Variants in CEP112 observed in about 807,000 individuals in gnomAD.
The protein encoded by CEP112 is centrosomal protein of 112 kDa.
CEP112 carries 127 observed loss-of-function variants against 153.0 expected under a neutral mutation model. That is an observed-to-expected ratio of 0.83 (90% CI 0.72 to 0.96). CEP112 has a LOEUF of 0.96. Among genes scored for constraint, CEP112 ranks in the 40% least tolerant of loss-of-function variants. The pLI is 0.00. For missense variants in CEP112, 1,089 were observed against 1,101.2 expected (o/e 0.99, Z 0.16); for synonymous variants, 358 against 374.4 (o/e 0.96, Z 0.51).
At chr17:66,028,629 T>G (rs2065327282) in intron 14 of CEP112, among the ~76,000 whole-genome samples, 1 of 151,880 alleles carries the variant, frequency 6.6e-6, no homozygotes, top group South Asian at 2.1e-4. Flanking sequence ...TATGAAAATG[T>G]AATGCTGACA....
intron 23 of CEP112, among the ~76,000 whole-genome samples, chr17:65,715,231 G>A (rs1188679137): frequency 6.6e-6 from 1 of 152,128 alleles, no homozygotes; most frequent in Non-Finnish European, 1.5e-5. Context: ...GATCATCCAC[G>A]CAGAGGTGTC....
intron 23 of CEP112, among the ~76,000 whole-genome samples, chr17:65,695,089 T>C (rs768921311): frequency 7.2e-5 from 11 of 152,232 alleles, no homozygotes; most frequent in African/African-American, 2.7e-4. Context: ...TGTGGGAAGC[T>C]ACACCGCTCC....
intron 20 of CEP112, among the ~76,000 whole-genome samples, chr17:65,876,023 C>T (rs2058814018): frequency 6.6e-6 from 1 of 152,128 alleles, no homozygotes; most frequent in Non-Finnish European, 1.5e-5. Context: ...TCTGCTTTTA[C>T]TGCCTCCTAA....
intron 21 of CEP112, among the ~76,000 whole-genome samples, chr17:65,817,050 G>A (rs964138724): frequency 6.6e-6 from 1 of 151,822 alleles, no homozygotes; most frequent in Non-Finnish European, 1.5e-5. Flanking sequence ...ATCTGTGAAA[G>A]CAAAAACTAA....
chr17:65,754,413 A>C (rs1214266934), intron 21 of CEP112, among the ~76,000 whole-genome samples: 1 of 152,168 alleles, frequency 6.6e-6, no homozygotes, highest in Non-Finnish European at 1.5e-5. Context: ...GTTCGAGACC[A>C]GCCTGGCCAA....
intron 23 of CEP112, among the ~76,000 whole-genome samples, chr17:65,708,352 T>A (rs2049015111): frequency 1.3e-5 from 2 of 152,224 alleles, no homozygotes; most frequent in Non-Finnish European, 2.9e-5. Context: ...ATATCAATTT[T>A]AAAAATTTAT....
chr17:66,087,003 A>G (rs549431165), intron 8 of CEP112, among the ~76,000 whole-genome samples: 26 of 152,304 alleles, frequency 1.7e-4, no homozygotes, highest in African/African-American at 6.0e-4. Context: ...CTTCATCAAA[A>G]TAAGTCAGAA....
chr17:66,030,008 C>G lies in CEP112; in HGVS notation c.1234G>C (p.Glu412Gln). ...QTQSTNHMIK[E>Q]LEARVQQLTG... ...AGCTGCTGGACACGGGCCTCCAGTT[C>G]TTTGATCATGTGGTTCTAAAAGAAC... is the stretch of plus-strand genomic sequence containing the variant. Residue 412 changes from glutamate to glutamine, a missense_variant, in exon 13 of 27, where the codon GAA becomes CAA. By Grantham distance (29) the Glu-to-Gln change is conservative. Transcript: ENST00000535342. 1.2e-6 allele frequency: 2 copies of G among 1,613,450 alleles called. No individual in the cohort carries two copies. Among genetic ancestry groups the G allele is most frequent in the Non-Finnish European group, 1.7e-6 (2 of 1,179,728 alleles).
chr17:66,017,467 A>G (rs961776795), intron 16 of CEP112, among the ~76,000 whole-genome samples: 6 of 152,186 alleles, frequency 3.9e-5, no homozygotes, highest in African/African-American at 1.4e-4. Context: ...TTATATCCCT[A>G]GGACCCAGGA....
intron 8 of CEP112, among the ~76,000 whole-genome samples, chr17:66,091,052 T>C (rs2068113258): frequency 6.6e-6 from 1 of 151,872 alleles, no homozygotes; most frequent in East Asian, 1.9e-4. Context: ...TTCATAGATA[T>C]AAAAGGAGAG....
chr17:66,054,734 T>C (rs2066605847), intron 11 of CEP112, among the ~76,000 whole-genome samples: 1 of 152,152 alleles, frequency 6.6e-6, no homozygotes, highest in African/African-American at 2.4e-5. Context: ...GTCCAAACAG[T>C]CCAAATGATA....
At chr17:66,063,847 A>G (rs2037282) in intron 10 of CEP112, among the ~76,000 whole-genome samples, 8,120 of 152,240 alleles carry the variant, frequency 0.053, 306 homozygotes, top group African/African-American at 0.085. Context: ...TAAACACACC[A>G]ACCTATATGC....
intron 18 of CEP112, among the ~76,000 whole-genome samples, chr17:65,944,935 TA>T (rs1349927016): frequency 6.6e-6 from 1 of 152,150 alleles, no homozygotes; most frequent in Non-Finnish European, 1.5e-5. Flanking sequence ...ATTAACATTC[TA>T]AAAAACATTT....
intron 5 of CEP112, among the ~76,000 whole-genome samples, chr17:66,130,414 T>C (rs985737021): frequency 6.6e-6 from 1 of 152,146 alleles, no homozygotes; most frequent in Non-Finnish European, 1.5e-5. Flanking sequence ...AGAAGCTCTT[T>C]GTTCTTAAAT....
At chr17:65,858,207 C>T (rs530409282) in intron 20 of CEP112, among the ~76,000 whole-genome samples, 54 of 152,224 alleles carry the variant, frequency 3.5e-4, no homozygotes, top group African/African-American at 1.3e-3. Context: ...ATCAATATTA[C>T]AATCTTTTAA....
chr17:66,047,493 GTAATTT>G (rs1471381000), intron 12 of CEP112, among the ~76,000 whole-genome samples: 1 of 152,164 alleles, frequency 6.6e-6, no homozygotes, highest in Non-Finnish European at 1.5e-5. Flanking sequence ...CAATTAGAGA[GTAATTT>G]TATTATGTAG....
At chr17:65,796,041 C>T (rs1164882987) in intron 21 of CEP112, among the ~76,000 whole-genome samples, 3 of 152,104 alleles carry the variant, frequency 2.0e-5, no homozygotes, top group Non-Finnish European at 4.4e-5. Context: ...TATTCTTCCT[C>T]GAGTGCTCCC....
intron 6 of CEP112, among the ~76,000 whole-genome samples, chr17:66,107,235 T>C (rs1226942107): frequency 6.6e-6 from 1 of 152,056 alleles, no homozygotes; most frequent in Non-Finnish European, 1.5e-5. Context: ...ATCTGGAATA[T>C]GACAAGATGC....
chr17:66,018,666 C>T (rs185978333), intron 16 of CEP112, among the ~76,000 whole-genome samples: 91 of 152,224 alleles, frequency 6.0e-4, no homozygotes, highest in African/African-American at 2.0e-3. Flanking sequence ...GTTAAATATA[C>T]GGCTGTGACT....
Sources: allele counts gnomAD v4.1 joint callset (sites outside exome capture counted in the v4.1 genomes callset), GRCh38; gene constraint gnomAD v4.1.1; transcripts MANE v1.5; gene names NCBI Gene and HGNC (gene_info 2026-07-23, HGNC 2026-07-21).